Variants in LAMP5 observed in about 807,000 individuals in gnomAD.
The protein encoded by LAMP5 is lysosome-associated membrane glycoprotein 5.
LAMP5 carries 36 observed loss-of-function variants against 30.2 expected under a neutral mutation model. That is an observed-to-expected ratio of 1.19 (90% confidence interval 0.91 to 1.57). LAMP5 has a LOEUF of 1.57. LAMP5 is among the 40% of genes most tolerant of loss of function. The pLI, the probability that LAMP5 is intolerant of heterozygous loss-of-function variation, is 0.00. For missense variants in LAMP5, 377 were observed against 354.9 expected (o/e 1.06, Z -0.50); for synonymous variants, 149 against 134.6 (o/e 1.11, Z -0.74).
intron 5 of LAMP5, among the ~76,000 whole-genome samples, chr20:9,522,972 CTTTTT>C (rs60017722): frequency 6.7e-5 from 7 of 104,180 alleles, no homozygotes; most frequent in African/African-American, 2.6e-4. Flanking sequence ...ATACTTAAAT[CTTTTT>C]TTTTTTTTTT....
chr20:9,517,913 C>T (rs960500781), intron 4 of LAMP5, 127 bp from the exon 5 acceptor site: 2 of 736,548 alleles, frequency 2.7e-6, no homozygotes, highest in Non-Finnish European at 4.4e-6. Context: ...GAGCCCTAGC[C>T]CTGGCAAGGG....
chr20:9,525,993 C>T (rs1012128647), intron 5 of LAMP5, among the ~76,000 whole-genome samples: 1 of 152,136 alleles, frequency 6.6e-6, no homozygotes, highest in Non-Finnish European at 1.5e-5. Flanking sequence ...TGAGCTAAAA[C>T]CATGGTCTAC....
rs373216694 is a variant in LAMP5, at chr20:9,516,288, G to T, written c.402G>T (p.Ala134=). The change falls in exon 4 of 6, where the codon GCG becomes GCT. Residue 134 remains alanine, a synonymous_variant. Coordinates refer to ENST00000246070, the MANE Select transcript of LAMP5 (RefSeq NM_012261.4). ...ACAACATGTCCAAGGGACCTGAGGCGACTTGGAGGCTGAGCAAAGTGCAGT... is the reference window on the plus strand; with the variant it reads ...ACAACATGTCCAAGGGACCTGAGGCTACTTGGAGGCTGAGCAAAGTGCAGT... The part of the protein sequence containing the change: ...ESHNMSKGPE[A]TWRLSKVQFV... 3.7e-6 allele frequency: 6 copies of T among 1,614,168 alleles called. No homozygotes were observed. In the Admixed American group the frequency reaches 1.0e-4, roughly 27 times the overall value.
Position 9,516,016 on chromosome 20 carries a change from C to A in LAMP5, c.254C>A (p.Ala85Asp). Residue 85 changes from alanine (A) to aspartate (D), a missense_variant, in exon 3 of 6, where the codon GCC becomes GAC. Transcript: ENST00000246070. ...SNYVDLITEQ[A>D]DIALTRGAEV... The stretch of plus-strand genomic sequence containing the variant: ...TGTTCCCAGCTGATCACAGAACAGG[C>A]CGATATCGCATTGACCCGGGGAGCT... 1 of 1,524,764 alleles carries A rather than the reference C, an allele frequency of 6.6e-7. No homozygotes were observed. 94.5% of individuals were successfully genotyped at this position (1,524,764 alleles called of 1,614,324 possible). A position where few individuals can be genotyped will look rare whatever the true frequency, so the allele number is the denominator to read the frequency against.
At chr20:9,517,546 A>AT (rs1460976011) in intron 4 of LAMP5, among the ~76,000 whole-genome samples, 1 of 151,684 alleles carries the variant, frequency 6.6e-6, no homozygotes, top group Non-Finnish European at 1.5e-5. Context: ...GGCTCAAGAG[A>AT]TTCTCCCACC....
Position 9,529,697 on chromosome 20 carries a change from T to A in LAMP5, c.720T>A (p.Ile240=), listed in dbSNP as rs1324867426. The A allele has an allele frequency of 6.2e-7, 1 of 1,614,158 alleles. No homozygotes were observed. The highest frequency in any genetic ancestry group is 1.3e-5 in the African/African-American group (1 of 75,030). Residue 240 remains isoleucine (I), a synonymous_variant, in exon 6 of 6, where the codon ATT becomes ATA. Transcript: ENST00000246070. ...AACTGGAAGAAACCTTGCCCCTGATTTTGGGGCTCATCTTGGGCCTCGTCA... is the reference window on the plus strand; with the variant it reads ...AACTGGAAGAAACCTTGCCCCTGATATTGGGGCTCATCTTGGGCCTCGTCA... ...REQLEETLPL[I]LGLILGLVIM...
rs1214129079 is a variant in LAMP5 at position 9,530,444 on chromosome 20, C to A, written c.*624C>A. On this transcript the variant is annotated 3_prime_UTR_variant, in exon 6 of 6. Coordinates refer to ENST00000246070, the MANE Select transcript of LAMP5 (RefSeq NM_012261.4). Reference sequence around the variant, plus strand: ...GAGTTGTTTGGACTTCTTCCTGTGCCAGGTCCAAGTCGGGGGACCTGAAGA... The same window carrying A: ...GAGTTGTTTGGACTTCTTCCTGTGCAAGGTCCAAGTCGGGGGACCTGAAGA... 6.6e-6 allele frequency: 1 copy of A among 152,608 alleles called. No individual in the cohort carries two copies. The highest frequency in any genetic ancestry group is 1.5e-5 in the Non-Finnish European group (1 of 68,048). The allele number at this position is 152,608 out of a possible 1,614,324, so 9.5% of individuals were successfully genotyped here.
At chr20:9,518,907 A>AGC (rs1555891276) in intron 5 of LAMP5, among the ~76,000 whole-genome samples, 3 of 151,880 alleles carry the variant, frequency 2.0e-5, no homozygotes, top group African/African-American at 7.3e-5. Flanking sequence ...CAGGGAGGGA[A>AGC]GGGTACCTGA....
intron 5 of LAMP5, among the ~76,000 whole-genome samples, chr20:9,522,972 CT>C (rs60017722): frequency 0.013 from 1,380 of 104,118 alleles, 2 homozygotes; most frequent in African/African-American, 0.036. Context: ...ATACTTAAAT[CT>C]TTTTTTTTTT....
At position 9,529,688 on chromosome 20, in the gene LAMP5, G is replaced by C. The variant is rs758947661; in HGVS notation, c.711G>C (p.Leu237Phe). Reference protein sequence around the residue: ...VDEREQLEETLPLILGLILGL... With the variant: ...VDEREQLEETFPLILGLILGL... ...AGCGGGAGCAACTGGAAGAAACCTT[G>C]CCCCTGATTTTGGGGCTCATCTTGG... Residue 237 changes from leucine to phenylalanine, a missense_variant, in exon 6 of 6, where the codon TTG (leucine) becomes TTC (phenylalanine). By Grantham distance (22) the Leu-to-Phe change is conservative. Coordinates refer to ENST00000246070, the MANE Select transcript of LAMP5 (RefSeq NM_012261.4). The C allele has an allele frequency of 1.9e-6, 3 of 1,614,022 alleles. No individual in the cohort carries two copies. The highest frequency in any genetic ancestry group is 4.5e-5 in the East Asian group (2 of 44,880).
chr20:9,515,246 A>ATT (rs11481720), intron 1 of LAMP5, among the ~76,000 whole-genome samples: 2 of 151,696 alleles, frequency 1.3e-5, no homozygotes, highest in African/African-American at 4.9e-5. Flanking sequence ...AGGATTTTTA[A>ATT]TTTTTTTAAC....
chr20:9,517,380 A>C (rs995745130), intron 4 of LAMP5, among the ~76,000 whole-genome samples: 2 of 152,186 alleles, frequency 1.3e-5, no homozygotes, highest in African/African-American at 4.8e-5. Context: ...GGCCCGTGTG[A>C]AATGTGGAAA....
intron 4 of LAMP5, among the ~76,000 whole-genome samples, chr20:9,516,906 G>T (rs2045044548): frequency 6.6e-6 from 1 of 151,998 alleles, no homozygotes; most frequent in Non-Finnish European, 1.5e-5. Context: ...AGCGTTTCTG[G>T]CCCATCCCTC....
chr20:9,518,309 A>G (rs2045056869), intron 5 of LAMP5, 81 bp downstream of exon 5: 3 of 1,243,844 alleles, frequency 2.4e-6, no homozygotes, highest in Admixed American at 3.9e-5. Context: ...GGGCCCCAGG[A>G]TGTTACCACT....
chr20:9,530,048 A>G lies in LAMP5; in HGVS notation c.*228A>G. On this transcript the variant is annotated 3_prime_UTR_variant, in exon 6 of 6. Coordinates refer to ENST00000246070, the MANE Select transcript of LAMP5 (RefSeq NM_012261.4). ...AATTATTCTCTCCATGCTGGGGAGGAGGGGAGGAGGGTCTCAGACAGCTTT... is the reference window on the plus strand; with the variant it reads ...AATTATTCTCTCCATGCTGGGGAGGGGGGGAGGAGGGTCTCAGACAGCTTT... 2.4e-6 allele frequency: 1 copy of G among 410,434 alleles called. No individual in the cohort carries two copies. Among genetic ancestry groups the G allele is most frequent in the Non-Finnish European group, 4.4e-6 (1 of 228,554 alleles). The allele number at this position is 410,434 out of a possible 1,614,324, so 25.4% of individuals were successfully genotyped here.
chr20:9,521,750 G>A (rs2045080942), intron 5 of LAMP5, among the ~76,000 whole-genome samples: 1 of 152,206 alleles, frequency 6.6e-6, no homozygotes, highest in African/African-American at 2.4e-5. Flanking sequence ...GAATGGGGAT[G>A]TGTCGCTGGG....
At chr20:9,523,593 T>C (rs937399477) in intron 5 of LAMP5, among the ~76,000 whole-genome samples, 6 of 152,182 alleles carry the variant, frequency 3.9e-5, no homozygotes, top group African/African-American at 1.2e-4. Flanking sequence ...TATGCATTTA[T>C]TGTTTGTTTT....
chr20:9,524,474 GT>G (rs202207899), intron 5 of LAMP5, among the ~76,000 whole-genome samples: 207 of 139,200 alleles, frequency 1.5e-3, no homozygotes, highest in South Asian at 5.7e-3. Flanking sequence ...GTAAAATATT[GT>G]TTTTTTTTTT....
chr20:9,521,528 C>A (rs2045079722), intron 5 of LAMP5, among the ~76,000 whole-genome samples: 1 of 152,204 alleles, frequency 6.6e-6, no homozygotes, highest in Non-Finnish European at 1.5e-5. Flanking sequence ...GAGGCCAATA[C>A]ACAGAGGCCA....
Sources: gnomAD v4.1 joint callset for allele counts (sites outside exome capture counted in the v4.1 genomes callset) on GRCh38, gnomAD v4.1.1 for gene constraint, MANE v1.5 for transcripts, NCBI Gene and HGNC (gene_info 2026-07-23, HGNC 2026-07-21) for gene names.